Variants in OXR1 observed in about 807,000 individuals in gnomAD.
OXR1 encodes oxidation resistance protein 1.
In OXR1, 41 loss-of-function variants were observed where a neutral mutation model predicts 104.6. The ratio of observed to expected loss-of-function variants is 0.39; its 90% CI spans 0.31 to 0.51. The LOEUF (loss-of-function observed/expected upper bound fraction) is 0.51, where lower values mean the gene tolerates loss of function less well. Ranked by LOEUF, OXR1 falls within the 20% of genes least tolerant of loss-of-function variation. The pLI is 0.77. For synonymous variants in OXR1, 348 were observed against 348.4 expected (o/e 1.00, Z 0.01); for missense variants, 955 against 1,031.9 (o/e 0.93, Z 1.02).
chr8:106,345,660 A>C (rs1815447000), intron 1 of OXR1, among the ~76,000 whole-genome samples: 1 of 152,240 alleles, frequency 6.6e-6, no homozygotes, highest in Non-Finnish European at 1.5e-5. Context: ...GTATTAAAAG[A>C]AATATTGGTG....
At chr8:106,280,914 C>T (rs562950030) in intron 1 of OXR1, among the ~76,000 whole-genome samples, 1 of 152,208 alleles carries the variant, frequency 6.6e-6, no homozygotes, top group South Asian at 2.1e-4. Flanking sequence ...TCCCAGGGAC[C>T]TTTACTTAGT....
intron 2 of OXR1, among the ~76,000 whole-genome samples, chr8:106,511,058 A>G (rs1013290315): frequency 1.3e-5 from 2 of 152,216 alleles, no homozygotes; most frequent in Non-Finnish European, 2.9e-5. Flanking sequence ...TGAGTGGGCT[A>G]GAATTGGAAT....
chr8:106,589,324 G>A (rs945969549), intron 3 of OXR1, among the ~76,000 whole-genome samples: 6 of 148,402 alleles, frequency 4.0e-5, no homozygotes, highest in Non-Finnish European at 8.9e-5. Context: ...GTGAGACAGA[G>A]TTCTGGCCCT....
At chr8:106,482,436 A>G (rs1020960545) in intron 2 of OXR1, among the ~76,000 whole-genome samples, 3 of 151,606 alleles carry the variant, frequency 2.0e-5, no homozygotes, top group African/African-American at 7.3e-5. Flanking sequence ...AAAAGGCTCA[A>G]ATCCCATCCA....
intron 3 of OXR1, among the ~76,000 whole-genome samples, chr8:106,577,228 T>G (rs916299171): frequency 1.2e-4 from 18 of 151,556 alleles, no homozygotes; most frequent in African/African-American, 4.4e-4. Flanking sequence ...GTTTTTTTTT[T>G]GAGATGGAGT....
intron 3 of OXR1, among the ~76,000 whole-genome samples, chr8:106,547,187 CCCATTTTAA>C (rs1260234478): frequency 1.6e-4 from 25 of 152,292 alleles, no homozygotes; most frequent in African/African-American, 5.8e-4. Context: ...CCATACCCAG[CCCATTTTAA>C]CCATTTTTAA....
At chr8:106,298,752 A>C (rs568745260) in intron 1 of OXR1, among the ~76,000 whole-genome samples, 41 of 142,712 alleles carry the variant, frequency 2.9e-4, no homozygotes, top group African/African-American at 9.7e-4. Flanking sequence ...GAAAAAAAAC[A>C]AAACAAATAA....
intron 3 of OXR1, among the ~76,000 whole-genome samples, chr8:106,570,975 G>A (rs973997853): frequency 2.6e-5 from 4 of 151,878 alleles, no homozygotes; most frequent in Admixed American, 2.6e-4. Context: ...AATTAGCTTA[G>A]ACTTGAGTCA....
chr8:106,373,963 A>G (rs1816808867), intron 2 of OXR1, among the ~76,000 whole-genome samples: 1 of 152,246 alleles, frequency 6.6e-6, no homozygotes, highest in South Asian at 2.1e-4. Context: ...AATTACTTAA[A>G]ATCGGCTCCT....
At chr8:106,379,537 CTTTTT>C (rs60855438) in intron 2 of OXR1, among the ~76,000 whole-genome samples, 2 of 108,400 alleles carry the variant, frequency 1.8e-5, no homozygotes, top group Admixed American at 1.1e-4. Flanking sequence ...TTCTTTCTTT[CTTTTT>C]TTTTTTTTTT....
intron 2 of OXR1, among the ~76,000 whole-genome samples, chr8:106,429,105 T>C (rs1188995729): frequency 2.6e-5 from 4 of 152,150 alleles, no homozygotes; most frequent in Non-Finnish European, 5.9e-5. Context: ...AAGCCACGGC[T>C]TTATTGTCCT....
chr8:106,705,028 A>G (rs2131368043), intron 8 of OXR1, among the ~76,000 whole-genome samples: 1 of 152,298 alleles, frequency 6.6e-6, no homozygotes, highest in Admixed American at 6.5e-5. Flanking sequence ...AGGTATTATT[A>G]TGGTATTACA....
In OXR1 at chr8:106,647,813, A is replaced by G. The variant is rs543385626; in HGVS notation, c.221-31397A>G. 7.2e-5 allele frequency among the ~76,000 whole-genome samples: 11 copies of G among 152,308 alleles called. No homozygotes were observed. In the East Asian group the frequency reaches 2.1e-3, roughly 29 times the overall value. On this transcript the variant is annotated intron_variant, in intron 3 of 16. Coordinates refer to ENST00000517566, the MANE Select transcript of OXR1 (RefSeq NM_001198533.2). ...CCAACCCTAACATTTCTATCTTATG[A>G]AATAGTTGACAGGTAGATATAATTT...
At position 106,691,619 on chromosome 8, in the gene OXR1, C is replaced by CATATATAT. The variant is rs35095319; in HGVS notation, c.526-1093_526-1086dup. On this transcript the variant is annotated intron_variant, in intron 6 of 16. Transcript: ENST00000517566. ...ATATGACAATGTGCACATATATATA[C>CATATATAT]ATATATATATATATATATATATACA... Among the ~76,000 whole-genome samples, 298 of 140,972 alleles carry CATATATAT rather than the reference C, an allele frequency of 2.1e-3. 1 individual carries two copies. The highest frequency in any genetic ancestry group is 5.6e-3 in the East Asian group (27 of 4,844). The allele number at this position is 140,972 out of a possible 152,430, so 92.5% of individuals were successfully genotyped here.
intron 4 of OXR1, among the ~76,000 whole-genome samples, chr8:106,681,615 C>G (rs1006358114): frequency 3.3e-5 from 5 of 152,066 alleles, no homozygotes; most frequent in Admixed American, 6.5e-5. Context: ...GCCTCAACTT[C>G]CCAGGCTCAA....
chr8:106,707,592 A>G (rs1831270271), intron 9 of OXR1: 1 of 203,364 alleles, frequency 4.9e-6, no homozygotes, highest in African/African-American at 2.3e-5. Context: ...GTGTACTTAC[A>G]GAATTCTTCC....
At chr8:106,664,213 G>GTAT (rs1826051518) in intron 3 of OXR1, among the ~76,000 whole-genome samples, 1 of 152,194 alleles carries the variant, frequency 6.6e-6, no homozygotes, top group African/African-American at 2.4e-5. Context: ...AGGAAGTTCT[G>GTAT]TATTATCTAT....
intron 1 of OXR1, among the ~76,000 whole-genome samples, chr8:106,293,197 T>A (rs921059008): frequency 2.0e-5 from 3 of 152,244 alleles, no homozygotes; most frequent in African/African-American, 7.2e-5. Flanking sequence ...TTTTGCTATC[T>A]GGTCTGTAAC....
chr8:106,504,188 G>A (rs1812003347), intron 2 of OXR1, among the ~76,000 whole-genome samples: 1 of 152,144 alleles, frequency 6.6e-6, no homozygotes, highest in African/African-American at 2.4e-5. Flanking sequence ...ACACATGAAG[G>A]AATTATGAGG....
Sources: gnomAD v4.1 joint callset for allele counts (sites outside exome capture counted in the v4.1 genomes callset) on GRCh38, gnomAD v4.1.1 for gene constraint, MANE v1.5 for transcripts, NCBI Gene and HGNC (gene_info 2026-07-23, HGNC 2026-07-21) for gene names.